RALGAPA2: variants seen among roughly 807,000 people sequenced by gnomAD.
The protein encoded by RALGAPA2 is Ral GTPase activating protein catalytic subunit alpha 2, also known as ral GTPase-activating protein subunit alpha-2.
A neutral mutation model predicts 230.4 loss-of-function variants in RALGAPA2; 139 were observed. That is an observed-to-expected ratio of 0.60 (90% CI 0.53 to 0.69). RALGAPA2 has a LOEUF of 0.69. Ranked by LOEUF, RALGAPA2 falls within the 30% of genes least tolerant of loss-of-function variation. RALGAPA2 has a pLI of 0.00. For missense variants in RALGAPA2, 2,163 were observed against 2,276.0 expected (o/e 0.95, Z 1.01); for synonymous variants, 847 against 837.8 (o/e 1.01, Z -0.19).
chr20:20,625,599 TTAG>T (rs1191163716), intron 10 of RALGAPA2, among the ~76,000 whole-genome samples: 1 of 152,144 alleles, frequency 6.6e-6, no homozygotes, highest in Non-Finnish European at 1.5e-5. Flanking sequence ...CATAAATAAA[TTAG>T]AAGTTTCACA....
chr20:20,655,337 A>G (rs1242513264), intron 3 of RALGAPA2, among the ~76,000 whole-genome samples: 1 of 152,106 alleles, frequency 6.6e-6, no homozygotes, highest in Non-Finnish European at 1.5e-5. Context: ...TTTTAAATAA[A>G]AAAAAAAACC....
chr20:20,647,039 C>T (rs1468300515), intron 4 of RALGAPA2, among the ~76,000 whole-genome samples: 2 of 151,954 alleles, frequency 1.3e-5, no homozygotes, highest in Non-Finnish European at 2.9e-5. Flanking sequence ...CTGAAGAAAG[C>T]AAATTCATCA....
At chr20:20,655,838 A>T (rs539479306) in intron 3 of RALGAPA2, among the ~76,000 whole-genome samples, 1 of 152,308 alleles carries the variant, frequency 6.6e-6, no homozygotes, top group South Asian at 2.1e-4. Context: ...TGTCAGGATA[A>T]GTGGGTAGAG....
At chr20:20,705,484 T>C (rs985629057) in intron 1 of RALGAPA2, among the ~76,000 whole-genome samples, 2 of 152,172 alleles carry the variant, frequency 1.3e-5, no homozygotes, top group African/African-American at 4.8e-5. Context: ...ATTACAGCCA[T>C]GAGCAATTGC....
At position 20,631,225 on chromosome 20, in the gene RALGAPA2, T is replaced by C. The variant is rs577116119; in HGVS notation, c.1006-1635A>G. Among the ~76,000 whole-genome samples, 8 of 152,352 alleles carry C rather than the reference T, an allele frequency of 5.3e-5. No individual in the cohort carries two copies. The South Asian group carries it at 1.0e-3, about 20-fold the overall frequency. On this transcript the variant is annotated intron_variant, in intron 9 of 39. Transcript: ENST00000202677. ...ACAAGAAGTCCCATATGAGCCCAGC[T>C]TTCCTTTCCAACTGCCCTCATCAAG...
At chr20:20,486,247 T>C (rs2061907434) in intron 36 of RALGAPA2, among the ~76,000 whole-genome samples, 1 of 152,076 alleles carries the variant, frequency 6.6e-6, no homozygotes, top group Non-Finnish European at 1.5e-5. Context: ...TAATTTTTTT[T>C]TTTTTTTATG....
chr20:20,588,975 T>C (rs1305424915), intron 18 of RALGAPA2, among the ~76,000 whole-genome samples: 2 of 152,212 alleles, frequency 1.3e-5, no homozygotes, highest in Non-Finnish European at 2.9e-5. Flanking sequence ...ATGGGGAATC[T>C]GAAACGTAGG....
At chr20:20,452,661 A>G (rs2061014380) in intron 37 of RALGAPA2, among the ~76,000 whole-genome samples, 1 of 152,250 alleles carries the variant, frequency 6.6e-6, no homozygotes, top group African/African-American at 2.4e-5. Context: ...GCCGGCCTTC[A>G]GAGGGGTAAG....
At chr20:20,644,953 A>G (rs934919447) in intron 4 of RALGAPA2, among the ~76,000 whole-genome samples, 1 of 152,228 alleles carries the variant, frequency 6.6e-6, no homozygotes, top group Non-Finnish European at 1.5e-5. Flanking sequence ...TAAAGTCTGC[A>G]CAGACAGTTC....
intron 8 of RALGAPA2, among the ~76,000 whole-genome samples, chr20:20,637,050 T>G (rs2066883793): frequency 6.6e-6 from 1 of 152,150 alleles, no homozygotes. Flanking sequence ...AAGGAAAGAC[T>G]TCAGGAAATG....
chr20:20,677,628 C>CTTTTTTTTTTTT (rs1568741580), intron 2 of RALGAPA2, among the ~76,000 whole-genome samples: 1 of 121,840 alleles, frequency 8.2e-6, no homozygotes, highest in South Asian at 2.7e-4. Context: ...TGATTTGACC[C>CTTTTTTTTTTTT]ATTTTTTTTT....
At chr20:20,411,787 G>T (rs1399248497) in intron 38 of RALGAPA2, among the ~76,000 whole-genome samples, 2 of 152,202 alleles carry the variant, frequency 1.3e-5, no homozygotes, top group African/African-American at 4.8e-5. Flanking sequence ...CTGAGAAAAA[G>T]TTCATTAACC....
At chr20:20,567,772 T>G (rs2064481752) in intron 23 of RALGAPA2, among the ~76,000 whole-genome samples, 2 of 151,218 alleles carry the variant, frequency 1.3e-5, no homozygotes. Context: ...ACGGGAGGAC[T>G]GCTTGAGCCC....
chr20:20,557,066 T>C (rs2064105093), intron 23 of RALGAPA2, among the ~76,000 whole-genome samples: 1 of 152,076 alleles, frequency 6.6e-6, no homozygotes, highest in South Asian at 2.1e-4. Context: ...TCCCAGCACT[T>C]TGGGAGGCCG....
intron 38 of RALGAPA2, among the ~76,000 whole-genome samples, chr20:20,397,626 T>C (rs555833840): frequency 2.0e-5 from 3 of 152,330 alleles, no homozygotes; most frequent in South Asian, 4.1e-4. Context: ...GTCTGCACAG[T>C]CACAGTTGTA....
At chr20:20,576,329 T>A (rs953278074) in intron 20 of RALGAPA2, among the ~76,000 whole-genome samples, 4 of 152,136 alleles carry the variant, frequency 2.6e-5, no homozygotes, top group Non-Finnish European at 5.9e-5. Context: ...ATCCAGGATA[T>A]CACATAACAA....
intron 36 of RALGAPA2, among the ~76,000 whole-genome samples, chr20:20,485,883 T>C (rs1002104435): frequency 7.9e-5 from 12 of 152,230 alleles, no homozygotes; most frequent in African/African-American, 2.9e-4. Context: ...CTCATGCCTG[T>C]AATCCCAGCA....
At chr20:20,480,947 C>T (rs2061759051) in intron 36 of RALGAPA2, among the ~76,000 whole-genome samples, 1 of 152,186 alleles carries the variant, frequency 6.6e-6, no homozygotes, top group Admixed American at 6.5e-5. Context: ...TTCCTTACCA[C>T]CTGCAGATTA....
At chr20:20,589,684 A>G (rs963183978) in intron 17 of RALGAPA2, among the ~76,000 whole-genome samples, 4 of 152,116 alleles carry the variant, frequency 2.6e-5, no homozygotes, top group Non-Finnish European at 5.9e-5. Context: ...TATCTCAGAG[A>G]AAAAGTGCCT....
Sources: gnomAD v4.1 joint callset for allele counts (sites outside exome capture counted in the v4.1 genomes callset) on GRCh38, gnomAD v4.1.1 for gene constraint, MANE v1.5 for transcripts, NCBI Gene and HGNC (gene_info 2026-07-23, HGNC 2026-07-21) for gene names.